Variants in SPTA1 observed in about 807,000 individuals in gnomAD.
SPTA1 encodes spectrin alpha chain, erythrocytic 1.
SPTA1 carries 177 observed loss-of-function variants against 324.7 expected under a neutral mutation model. The ratio of observed to expected loss-of-function variants is 0.55; its 90% confidence interval spans 0.48 to 0.62. SPTA1 has a LOEUF of 0.62. SPTA1 is among the 20% of genes least tolerant of loss of function. SPTA1 has a pLI of 0.00. For synonymous variants in SPTA1, 1,195 were observed against 1,041.3 expected (o/e 1.15, Z -2.84); for missense variants, 3,162 against 2,883.6 (o/e 1.10, Z -2.21).
chr1:158,639,313 T>G (rs186668837), intron 35 of SPTA1: 5 of 476,112 alleles, frequency 1.1e-5, no homozygotes, highest in African/African-American at 9.8e-5. Flanking sequence ...TTGGCTTATA[T>G]GTATGCATCA....
In SPTA1 at chr1:158,670,439, T is replaced by G. The variant is rs896042547; in HGVS notation, c.1600-653A>C. 2.0e-5 allele frequency among the ~76,000 whole-genome samples: 3 copies of G among 152,224 alleles called. No individual in the cohort carries two copies. The East Asian group carries it at 5.8e-4, about 29-fold the overall frequency. On this transcript the variant is annotated intron_variant, in intron 12 of 51. Coordinates refer to ENST00000643759, the MANE Select transcript of SPTA1 (RefSeq NM_003126.4). ...AGAATCAACAGAAAGGACACACATA[T>G]CAATTAATGAGGGACTTGATATTAA...
chr1:158,647,026 A>T (rs1165465456), intron 27 of SPTA1, among the ~76,000 whole-genome samples: 1 of 151,884 alleles, frequency 6.6e-6, no homozygotes. Flanking sequence ...CTCCCCAAAC[A>T]TGTTCTTATG....
Position 158,620,150 on chromosome 1 carries a change from T to C in SPTA1, c.6417+20A>G, listed in dbSNP as rs771854392. On this transcript the variant is annotated intron_variant, in intron 44 of 51. Coordinates refer to ENST00000643759, the MANE Select transcript of SPTA1 (RefSeq NM_003126.4). The stretch of plus-strand genomic sequence containing the variant: ...ATGTTCACTGTAGTGAAAGGAAGTT[T>C]CTGCCGTGTTCCAGGTTACCTCAAT... 1.2e-6 allele frequency: 2 copies of C among 1,614,090 alleles called. No individual in the cohort carries two copies. The highest frequency in any genetic ancestry group is 1.7e-6 in the Non-Finnish European group (2 of 1,180,014).
At chr1:158,681,286 G>C (rs1219617719) in intron 4 of SPTA1, among the ~76,000 whole-genome samples, 1 of 152,068 alleles carries the variant, frequency 6.6e-6, no homozygotes, top group Non-Finnish European at 1.5e-5. Flanking sequence ...ATCTTTCAAT[G>C]CATGGTCTTT....
chr1:158,623,568 C>T (rs1650063546), intron 42 of SPTA1, among the ~76,000 whole-genome samples: 1 of 152,124 alleles, frequency 6.6e-6, no homozygotes, highest in Non-Finnish European at 1.5e-5. Context: ...AGTGAGTTCT[C>T]ACAAGATCTG....
chr1:158,644,232 T>A (rs184937128), intron 30 of SPTA1, 21 bp downstream of exon 30: 7 of 1,613,394 alleles, frequency 4.3e-6, no homozygotes, highest in Non-Finnish European at 5.1e-6. Flanking sequence ...TTATTTTAAT[T>A]CCTTTACTAG....
chr1:158,613,902 G>A (rs1348461277), intron 49 of SPTA1, 35 bp from the exon 50 acceptor site: 1 of 1,603,464 alleles, frequency 6.2e-7, no homozygotes, highest in Admixed American at 1.7e-5. Context: ...AATTTATCAA[G>A]CTCAATAGAA....
intron 27 of SPTA1, 95 bp downstream of exon 27, chr1:158,647,444 C>G: frequency 6.7e-7 from 1 of 1,483,954 alleles, no homozygotes; most frequent in South Asian, 1.1e-5. Context: ...CGTAGTGATG[C>G]CCTCCAAAAC....
At position 158,611,296 on chromosome 1, in the gene SPTA1, C is replaced by G; in HGVS notation, c.7228G>C (p.Val2410Leu). 3.7e-6 allele frequency: 6 copies of G among 1,613,746 alleles called. No individual in the cohort carries two copies. Among genetic ancestry groups the G allele is most frequent in the Non-Finnish European group, 4.2e-6 (5 of 1,179,780 alleles). ...CCAAAGTAGGAATTGGTGAAGCCAACGTAGTCATAGCCAGAGAGATGGCTT... is the reference window on the plus strand; with the variant it reads ...CCAAAGTAGGAATTGGTGAAGCCAAGGTAGTCATAGCCAGAGAGATGGCTT... ...GRSHLSGYDYVGFTNSYFGN is the reference protein window; with the variant it reads ...GRSHLSGYDYLGFTNSYFGN Residue 2410 changes from valine (V) to leucine (L), a missense_variant, in exon 52 of 52, where the codon GTT becomes CTT. Val to Leu is a conservative substitution (Grantham distance 32). Coordinates refer to ENST00000643759, the MANE Select transcript of SPTA1 (RefSeq NM_003126.4).
At chr1:158,642,346 AAAAG>A (rs950957560) in intron 33 of SPTA1, 61 bp downstream of exon 33, 3 of 1,509,478 alleles carry the variant, frequency 2.0e-6, no homozygotes, top group Admixed American at 2.1e-5. Flanking sequence ...AAATTAAAAA[AAAAG>A]AAAGAGTAAA....
chr1:158,668,270 C>A (rs1239459974), intron 14 of SPTA1, among the ~76,000 whole-genome samples: 1 of 152,060 alleles, frequency 6.6e-6, no homozygotes, highest in Non-Finnish European at 1.5e-5. Flanking sequence ...ACTAAGCTGG[C>A]AATTTTTTTG....
intron 15 of SPTA1, among the ~76,000 whole-genome samples, chr1:158,667,583 G>C (rs759488944): frequency 1.3e-5 from 2 of 151,978 alleles, no homozygotes; most frequent in African/African-American, 2.4e-5. Flanking sequence ...AAAAAGTGAG[G>C]AAAACAAAAG....
At chr1:158,674,267 T>G in intron 10 of SPTA1, 62 bp downstream of exon 10, 18 of 1,433,790 alleles carry the variant, frequency 1.3e-5, no homozygotes, top group Non-Finnish European at 1.7e-5. Context: ...CATATTATTG[T>G]GAGATTATGT....
intron 19 of SPTA1, among the ~76,000 whole-genome samples, chr1:158,656,953 C>T (rs981462366): frequency 2.6e-5 from 4 of 152,122 alleles, no homozygotes; most frequent in Admixed American, 2.0e-4. Flanking sequence ...ATAGGATAAA[C>T]ATTAGTGTAA....
rs143816549 is a variant in SPTA1 at position 158,669,717 on chromosome 1, G to C, written c.1669C>G (p.Arg557Gly). 2 of 1,614,028 alleles carry C rather than the reference G, an allele frequency of 1.2e-6. No individual in the cohort carries two copies. Among genetic ancestry groups the C allele is most frequent in the Non-Finnish European group, 1.7e-6 (2 of 1,179,972 alleles). The change falls in exon 13 of 52, where the codon CGT becomes GGT. Residue 557 changes from arginine (R) to glycine (G), a missense_variant. Transcript: ENST00000643759. ...TAGGCCCTTGGACATACCCCGTCACGGATAGCCTTGATGTTCTCTGAATCA... is the reference window on the plus strand; with the variant it reads ...TAGGCCCTTGGACATACCCCGTCACCGATAGCCTTGATGTTCTCTGAATCA... ...HYDSENIKAIRDGLLARRDAL... is the reference protein window; with the variant it reads ...HYDSENIKAIGDGLLARRDAL...
chr1:158,658,842 A>G (rs1294669651), intron 18 of SPTA1, among the ~76,000 whole-genome samples: 1 of 152,174 alleles, frequency 6.6e-6, no homozygotes, highest in Admixed American at 6.5e-5. Flanking sequence ...ACAAGACAGC[A>G]CATCTTTAAA....
chr1:158,628,921 A>G (rs1303902498), intron 39 of SPTA1, among the ~76,000 whole-genome samples: 1 of 152,038 alleles, frequency 6.6e-6, no homozygotes, highest in African/African-American at 2.4e-5. Context: ...TACTGTGGAG[A>G]CTGAATCAGA....
intron 25 of SPTA1, among the ~76,000 whole-genome samples, chr1:158,649,075 A>G (rs1652220066): frequency 6.6e-6 from 1 of 152,154 alleles, no homozygotes; most frequent in African/African-American, 2.4e-5. Flanking sequence ...CATCAAAAAT[A>G]CATTTATACA....
In SPTA1 at chr1:158,667,938, T is replaced by C. The variant is rs148912436; in HGVS notation, c.1958A>G (p.Tyr653Cys). The stretch of plus-strand genomic sequence containing the variant: ...ACGAGTGGTCACATTGTCAGAGGCA[T>C]AGTGACCACCCTCAATCATCTCTTG... The part of the protein sequence containing the change: ...TGQEMIEGGH[Y>C]ASDNVTTRLS... The change falls in exon 15 of 52, where the codon TAT (tyrosine) becomes TGT (cysteine). Residue 653 changes from tyrosine to cysteine, a missense_variant. Physicochemically the swap from Tyr to Cys is radical, Grantham distance 194. Coordinates refer to ENST00000643759, the MANE Select transcript of SPTA1 (RefSeq NM_003126.4). 1.0e-2 allele frequency: 16,064 copies of C among 1,614,078 alleles called. 90 individuals are homozygous for C. Among genetic ancestry groups the C allele is most frequent in the Middle Eastern group, 0.016 (94 of 6,060 alleles).
Sources: gnomAD v4.1 joint callset for allele counts (sites outside exome capture counted in the v4.1 genomes callset) on GRCh38, gnomAD v4.1.1 for gene constraint, MANE v1.5 for transcripts, NCBI Gene and HGNC (gene_info 2026-07-23, HGNC 2026-07-21) for gene names.